Variants in CEACAM16 observed in about 807,000 individuals in gnomAD.
CEACAM16 encodes the protein cell adhesion molecule CEACAM16.
A neutral mutation model predicts 39.4 loss-of-function variants in CEACAM16; 30 were observed. That is an observed-to-expected ratio of 0.76 (90% CI 0.57 to 1.03). The LOEUF is 1.03. Among genes scored for constraint, CEACAM16 ranks in the 50% least tolerant of loss-of-function variants. The probability of loss-of-function intolerance (pLI) is 0.00; values close to 1 mark genes in which losing one functional copy is unlikely to be tolerated. For synonymous variants in CEACAM16, 262 were observed against 264.9 expected (o/e 0.99, Z 0.11); for missense variants, 521 against 585.3 (o/e 0.89, Z 1.13).
chr19:44,705,721 A>C lies in CEACAM16; in HGVS notation c.793A>C (p.Thr265Pro). ...RSCPEPEYVW[T>P]FNGQALKNGQ... ...CTGCCCAGAGCCCGAGTATGTGTGG[A>C]CCTTCAACGGGCAGGCCCTAAAGAA... The change falls in exon 5 of 7, where the codon ACC (threonine) becomes CCC (proline). Residue 265 changes from threonine to proline, a missense_variant. By Grantham distance (38) the Thr-to-Pro change is conservative (BLOSUM62 -1). Coordinates refer to ENST00000587331, the MANE Select transcript of CEACAM16 (RefSeq NM_001039213.4). 2 of 1,613,946 alleles carry C rather than the reference A, an allele frequency of 1.2e-6. No individual in the cohort carries two copies. The highest frequency in any genetic ancestry group is 1.7e-6 in the Non-Finnish European group (2 of 1,179,866).
rs1212794633 is a variant in CEACAM16 at position 44,705,642 on chromosome 19, C to T, written c.714C>T (p.Cys238=). The T allele has an allele frequency of 1.9e-6, 3 of 1,613,122 alleles. No individual in the cohort carries two copies. The highest frequency in any genetic ancestry group is 2.7e-5 in the African/African-American group (2 of 74,928). ...AGGATTCCACCACCCGCACAGGCTG[C>T]ACCATCAAAGTTGACTTCAACACGT... ...ILQDSTTRTG[C]TIKVDFNTSL... Residue 238 remains cysteine (C), a synonymous_variant, in exon 5 of 7, where the codon TGC becomes TGT. Transcript: ENST00000587331.
intron 6 of CEACAM16, among the ~76,000 whole-genome samples, chr19:44,708,894 C>A (rs192682226): frequency 3.9e-5 from 6 of 152,144 alleles, no homozygotes; most frequent in African/African-American, 1.4e-4. Flanking sequence ...AACAATGTCT[C>A]CCCCATTGGA....
chr19:44,702,833 C>T (rs996249629), intron 2 of CEACAM16, among the ~76,000 whole-genome samples: 2 of 152,218 alleles, frequency 1.3e-5, no homozygotes, highest in African/African-American at 2.4e-5. Flanking sequence ...CCTTTGGGTC[C>T]GGCTTAAAGC....
In CEACAM16 at chr19:44,705,630, C is replaced by T. The variant is rs1251024554; in HGVS notation, c.702C>T (p.Thr234=). ...TGGCCATCCTCCAGGATTCCACCAC[C>T]CGCACAGGCTGCACCATCAAAGTTG... The part of the protein sequence containing the change: ...ERVAILQDST[T]RTGCTIKVDF... Residue 234 remains threonine, a synonymous_variant, in exon 5 of 7, where the codon ACC becomes ACT. Coordinates refer to ENST00000587331, the MANE Select transcript of CEACAM16 (RefSeq NM_001039213.4). 1 of 1,610,504 alleles carries T rather than the reference C, an allele frequency of 6.2e-7. No individual in the cohort carries two copies. Among genetic ancestry groups the T allele is most frequent in the Admixed American group, 1.7e-5 (1 of 59,950 alleles).
chr19:44,702,973 C>T (rs1974373361), intron 2 of CEACAM16, among the ~76,000 whole-genome samples: 1 of 152,214 alleles, frequency 6.6e-6, no homozygotes, highest in Non-Finnish European at 1.5e-5. Flanking sequence ...GAGTCCCTCC[C>T]TGGGACTGAG....
rs1358533157 is a variant in CEACAM16 at position 44,699,262 on chromosome 19, T to C, written c.-97+2T>C. The C allele has an allele frequency of 1.9e-6, 1 of 534,274 alleles. No individual in the cohort carries two copies. The highest frequency in any genetic ancestry group is 1.9e-5 in the African/African-American group (1 of 51,948). 33.1% of individuals were successfully genotyped at this position (534,274 alleles called of 1,614,324 possible). A position where few individuals can be genotyped will look rare whatever the true frequency, so the allele number is the denominator to read the frequency against. On this transcript the variant is annotated splice_donor_variant, in intron 1 of 6. Transcript: ENST00000587331. LOFTEE classifies it low-confidence loss of function (5UTR_SPLICE). ...AGCATTTACTCTGCGCCAGTCGTGG[T>C]AAGTACTGTACTTCACATGTGTATC...
Position 44,706,269 on chromosome 19 carries a change from T to C in CEACAM16, c.940+401T>C, listed in dbSNP as rs557198696. 3.9e-3 allele frequency among the ~76,000 whole-genome samples: 515 copies of C among 132,702 alleles called. 3 individuals are homozygous for C. Among genetic ancestry groups the C allele is most frequent in the African/African-American group, 0.014 (483 of 35,452 alleles). 87.1% of individuals were successfully genotyped at this position (132,702 alleles called of 152,430 possible). On this transcript the variant is annotated intron_variant, in intron 5 of 6. Transcript: ENST00000587331. The stretch of plus-strand genomic sequence containing the variant: ...AGTTATCTGACCCAGATGATGGGTA[T>C]ACACACACACACACACACACACACA...
At chr19:44,706,269 T>TACACACACACACACAC (rs57354088) in intron 5 of CEACAM16, among the ~76,000 whole-genome samples, 4 of 132,704 alleles carry the variant, frequency 3.0e-5, no homozygotes, top group East Asian at 2.2e-4. Flanking sequence ...ATGATGGGTA[T>TACACACACACACACAC]ACACACACAC....
intron 3 of CEACAM16, 146 bp from the exon 4 acceptor site, chr19:44,703,872 C>A: frequency 2.7e-6 from 3 of 1,101,202 alleles, no homozygotes; most frequent in Non-Finnish European, 3.8e-6. Flanking sequence ...CAGGATTAGA[C>A]CTGCCTCCTA....
chr19:44,710,592 C>T lies in CEACAM16; in HGVS notation c.*86C>T. 6.4e-7 allele frequency: 1 copy of T among 1,561,688 alleles called. No individual in the cohort carries two copies. Among genetic ancestry groups the T allele is most frequent in the Non-Finnish European group, 8.8e-7 (1 of 1,133,092 alleles). On this transcript the variant is annotated 3_prime_UTR_variant, in exon 7 of 7. Coordinates refer to ENST00000587331, the MANE Select transcript of CEACAM16 (RefSeq NM_001039213.4). ...CCTCTGAGTGGGAACCACTCCCCCA[C>T]AGCGAGGATGCCAGGCTGTGGTCCT...
intron 3 of CEACAM16, 98 bp downstream of exon 3, chr19:44,703,791 C>A: frequency 9.1e-7 from 1 of 1,098,338 alleles, no homozygotes; most frequent in Non-Finnish European, 1.3e-6. Flanking sequence ...TCCAACAAAT[C>A]ATCAGGGAAA....
At chr19:44,702,070 A>C (rs903446209) in intron 2 of CEACAM16, among the ~76,000 whole-genome samples, 2 of 152,144 alleles carry the variant, frequency 1.3e-5, no homozygotes, top group Non-Finnish European at 2.9e-5. Flanking sequence ...AGGCGGGCGG[A>C]TCACCTGAGG....
Position 44,704,297 on chromosome 19 carries a change from G to A in CEACAM16, c.661+1G>A. ...GAGCCCATCAACCTGACCGTGTACTGTGAGTCCTCCTGGCCCCACTGGAGA... is the reference window on the plus strand; with the variant it reads ...GAGCCCATCAACCTGACCGTGTACTATGAGTCCTCCTGGCCCCACTGGAGA... On this transcript the variant is annotated splice_donor_variant, in intron 4 of 6. Coordinates refer to ENST00000587331, the MANE Select transcript of CEACAM16 (RefSeq NM_001039213.4). LOFTEE classifies it high-confidence loss of function. 1 of 1,499,252 alleles carries A rather than the reference G, an allele frequency of 6.7e-7. No homozygotes were observed. 92.9% of individuals were successfully genotyped at this position (1,499,252 alleles called of 1,614,324 possible).
At chr19:44,702,818 A>G (rs2122190254) in intron 2 of CEACAM16, among the ~76,000 whole-genome samples, 1 of 152,356 alleles carries the variant, frequency 6.6e-6, no homozygotes, top group East Asian at 1.9e-4. Context: ...TCACGATGGG[A>G]AAACCCTTTG....
At position 44,703,544 on chromosome 19, in the gene CEACAM16, G is replaced by A. The variant is rs547409542; in HGVS notation, c.233G>A (p.Gly78Asp). ...YIVSTGDETP[G>D]PAHTGREAVR... ...GTGAGCACAGGCGATGAGACTCCTG[G>A]CCCGGCCCACACGGGGCGGGAGGCT... Residue 78 changes from glycine (G) to aspartate (D), a missense_variant, in exon 3 of 7, where the codon GGC (glycine) becomes GAC (aspartate). Gly to Asp is a moderately conservative substitution (Grantham distance 94, BLOSUM62 -1). Coordinates refer to ENST00000587331, the MANE Select transcript of CEACAM16 (RefSeq NM_001039213.4). 1 of 1,613,332 alleles carries A rather than the reference G, an allele frequency of 6.2e-7. No individual in the cohort carries two copies. The highest frequency in any genetic ancestry group is 1.3e-5 in the African/African-American group (1 of 75,042).
Position 44,703,600 on chromosome 19 carries a change from G to A in CEACAM16, c.289G>A (p.Gly97Ser). The A allele has an allele frequency of 6.2e-7, 1 of 1,608,950 alleles. No homozygotes were observed. The highest frequency in any genetic ancestry group is 8.5e-7 in the Non-Finnish European group (1 of 1,178,124). Residue 97 changes from glycine (G) to serine (S), a missense_variant, in exon 3 of 7, where the codon GGC becomes AGC. Physicochemically the swap from Gly to Ser is moderately conservative, Grantham distance 56. Transcript: ENST00000587331. The stretch of plus-strand genomic sequence containing the variant: ...CCCCGATGGCAGCCTGGACATCCAG[G>A]GCATCCTGCCCCGGCACTCAGGCAC... ...VRPDGSLDIQ[G>S]ILPRHSGTYI...
chr19:44,701,247 G>C lies in CEACAM16; in HGVS notation c.-96-114G>C. ...AGGCCTGCCCAGGTCACGGCCTCTG[G>C]CCGGTGCCCGCCACACCCACCCTGG... On this transcript the variant is annotated intron_variant, in intron 1 of 6. Coordinates refer to ENST00000587331, the MANE Select transcript of CEACAM16 (RefSeq NM_001039213.4). The surrounding 1 kb of genome is among the most constrained non-coding windows in gnomAD (Gnocchi z 4.0). 1.5e-6 allele frequency: 1 copy of C among 647,816 alleles called. No individual in the cohort carries two copies. Among genetic ancestry groups the C allele is most frequent in the Admixed American group, 2.3e-5 (1 of 43,624 alleles). The allele number at this position is 647,816 out of a possible 1,614,324, so 40.1% of individuals were successfully genotyped here.
At chr19:44,705,373 A>G (rs1201505101) in intron 4 of CEACAM16, among the ~76,000 whole-genome samples, 1 of 152,180 alleles carries the variant, frequency 6.6e-6, no homozygotes, top group African/African-American at 2.4e-5. Flanking sequence ...TATCTTGCCC[A>G]ACACATTCTT....
chr19:44,704,331 G>A, intron 4 of CEACAM16, 35 bp downstream of exon 4: 1 of 1,455,706 alleles, frequency 6.9e-7, no homozygotes, highest in Non-Finnish European at 9.1e-7. Flanking sequence ...GATACCCAGT[G>A]TCCAAACCTC....
Sources: gnomAD v4.1 joint callset for allele counts (sites outside exome capture counted in the v4.1 genomes callset) on GRCh38, gnomAD v4.1.1 for gene constraint, Gnocchi (gnomAD v3.1) non-coding constraint, MANE v1.5 for transcripts, NCBI Gene and HGNC (gene_info 2026-07-23, HGNC 2026-07-21) for gene names.